The following ACACB variants were observed in gnomAD, a reference collection of about 807,000 sequenced individuals.
ACACB encodes the protein acetyl-CoA carboxylase beta.
Under a neutral mutation model 278.8 loss-of-function variants are expected in ACACB, and 209 were observed. The ratio of observed to expected loss-of-function variants is 0.75; its 90% CI spans 0.67 to 0.84. ACACB has a LOEUF of 0.84. ACACB is among the 40% of genes least tolerant of loss of function. The pLI, the probability that ACACB is intolerant of heterozygous loss-of-function variation, is 0.00. For synonymous variants in ACACB, 1,174 were observed against 1,285.6 expected (o/e 0.91, Z 1.86); for missense variants, 2,850 against 3,269.0 (o/e 0.87, Z 3.13).
intron 2 of ACACB, among the ~76,000 whole-genome samples, chr12:109,145,381 T>C (rs2043216714): frequency 6.6e-6 from 1 of 152,226 alleles, no homozygotes; most frequent in Non-Finnish European, 1.5e-5. Context: ...TGGTGAAGCC[T>C]GGGCTTTTAC....
chr12:109,203,091 A>G (rs1462396207), intron 19 of ACACB, among the ~76,000 whole-genome samples: 1 of 152,192 alleles, frequency 6.6e-6, no homozygotes, highest in East Asian at 1.9e-4. Flanking sequence ...GGTGCCTCAT[A>G]TAGGTGGAAT....
chr12:109,189,594 G>C lies in ACACB; in HGVS notation c.2144+1432G>C, dbSNP rs371888510. On this transcript the variant is annotated intron_variant, in intron 13 of 52. Coordinates refer to ENST00000338432, the MANE Select transcript of ACACB (RefSeq NM_001093.4). ...GTTTCTCAGGTTGAAGGACTTCTCA[G>C]TGCTAAAATGGGGACCACCCCAAGG... Among the ~76,000 whole-genome samples, 36 of 152,300 alleles carry C rather than the reference G, an allele frequency of 2.4e-4. No homozygotes were observed. In the East Asian group the frequency reaches 6.6e-3, roughly 28 times the overall value.
At chr12:109,258,232 T>C (rs1418571640) in intron 45 of ACACB, 36 bp from the exon 46 acceptor site, 4 of 1,557,094 alleles carry the variant, frequency 2.6e-6, no homozygotes, top group East Asian at 2.3e-5. Flanking sequence ...CCTGGGGTGC[T>C]GCCCAGGGCC....
At chr12:109,166,649 C>CA (rs869303420) in intron 2 of ACACB, among the ~76,000 whole-genome samples, 1,134 of 25,030 alleles carry the variant, frequency 0.045, 228 homozygotes, top group Non-Finnish European at 0.053. Flanking sequence ...GATCCCGTCT[C>CA]AAAAAAAAAA....
intron 11 of ACACB, among the ~76,000 whole-genome samples, chr12:109,180,634 T>G (rs1215197569): frequency 6.6e-6 from 1 of 152,040 alleles, no homozygotes; most frequent in East Asian, 1.9e-4. Context: ...CAAGAGATTT[T>G]TGTTTTTGTT....
chr12:109,222,536 G>A lies in ACACB; in HGVS notation c.3594G>A (p.Leu1198=). 1 of 1,614,124 alleles carries A rather than the reference G, an allele frequency of 6.2e-7. No homozygotes were observed. The highest frequency in any genetic ancestry group is 8.5e-7 in the Non-Finnish European group (1 of 1,180,012). Residue 1198 remains leucine, a synonymous_variant, in exon 25 of 53, where the codon CTG becomes CTA. Coordinates refer to ENST00000338432, the MANE Select transcript of ACACB (RefSeq NM_001093.4). ...IDELCGPDPS[L]SDELISILNE... ...AGCTGTGTGGCCCAGACCCTTCCCTGTCGGACGAGCTGATCTCCATCCTCA... is the reference window on the plus strand; with the variant it reads ...AGCTGTGTGGCCCAGACCCTTCCCTATCGGACGAGCTGATCTCCATCCTCA...
Position 109,265,506 on chromosome 12 carries a change from GTCC to G in ACACB, c.7234_7236del (p.Leu2412del), listed in dbSNP as rs759413736. 1 of 1,613,758 alleles carries G rather than the reference GTCC, an allele frequency of 6.2e-7. No homozygotes were observed. Among genetic ancestry groups the G allele is most frequent in the South Asian group, 1.1e-5 (1 of 91,062 alleles). ...CATCACGTACCTGAAGCACGACTCT[GTCC>G]TCAAGACCATCCGAGGGTGAGTGGC... On this transcript the variant is annotated inframe_deletion, in exon 52 of 53. Transcript: ENST00000338432.
chr12:109,159,484 C>A (rs892203080), intron 2 of ACACB, among the ~76,000 whole-genome samples: 3 of 152,174 alleles, frequency 2.0e-5, no homozygotes, highest in African/African-American at 7.2e-5. Context: ...CAGGGATAAA[C>A]TGTTAATTCC....
At chr12:109,263,158 G>A (rs1019534464) in intron 49 of ACACB, 1 of 151,132 alleles carries the variant, frequency 6.6e-6, no homozygotes, top group Non-Finnish European at 1.5e-5. Flanking sequence ...GTCATCTTTA[G>A]ATGTAATTAT....
intron 4 of ACACB, among the ~76,000 whole-genome samples, chr12:109,170,094 G>A (rs564326112): frequency 6.7e-6 from 1 of 150,292 alleles, no homozygotes; most frequent in African/African-American, 2.5e-5. Context: ...TCATTGATGT[G>A]TGGGTTTTTG....
chr12:109,229,079 A>ACT (rs1347733988), intron 28 of ACACB, among the ~76,000 whole-genome samples: 34 of 152,054 alleles, frequency 2.2e-4, no homozygotes, highest in Non-Finnish European at 4.6e-4. Flanking sequence ...AGTAGCTGGG[A>ACT]CTACAGGCGC....
chr12:109,136,026 T>C (rs1593379169), intron 1 of ACACB, among the ~76,000 whole-genome samples: 2 of 152,130 alleles, frequency 1.3e-5, no homozygotes, highest in South Asian at 4.2e-4. Context: ...TTAGCCAGGA[T>C]AGTCTTGATC....
chr12:109,243,307 T>C (rs1379661503), intron 37 of ACACB, among the ~76,000 whole-genome samples: 1 of 152,032 alleles, frequency 6.6e-6, no homozygotes, highest in Admixed American at 6.6e-5. Flanking sequence ...TCTTAAAAAA[T>C]AATGTTTTGG....
At chr12:109,115,195 C>T (rs2042380034), upstream of ACACB, among the ~76,000 whole-genome samples, 1 of 152,302 alleles carries the variant, frequency 6.6e-6, no homozygotes, top group South Asian at 2.1e-4. Context: ...TTCATTTTCT[C>T]ACCCATATGG....
At position 109,139,779 on chromosome 12, in the gene ACACB, T is replaced by C. The variant is rs951672585; in HGVS notation, c.374T>C (p.Leu125Pro). The change falls in exon 2 of 53, where the codon CTG becomes CCG. Residue 125 changes from leucine to proline, a missense_variant. Transcript: ENST00000338432. Reference protein sequence around the residue: ...LQANGTGTQGLEATDTNGLSS... With the variant: ...LQANGTGTQGPEATDTNGLSS... ...GCCAACGGGACTGGGACACAAGGTCTGGAGGCCACAGATACCAATGGCCTG... is the reference window on the plus strand; with the variant it reads ...GCCAACGGGACTGGGACACAAGGTCCGGAGGCCACAGATACCAATGGCCTG... 5 of 1,614,092 alleles carry C rather than the reference T, an allele frequency of 3.1e-6. No individual in the cohort carries two copies. In the African/African-American group the frequency reaches 5.3e-5, roughly 17 times the overall value.
intron 2 of ACACB, among the ~76,000 whole-genome samples, chr12:109,159,961 G>A (rs1000096007): frequency 6.6e-5 from 10 of 151,726 alleles, no homozygotes; most frequent in Admixed American, 3.9e-4. Context: ...ATGGTGGCAG[G>A]CACCTATAGT....
At chr12:109,134,833 A>C (rs2042928844) in intron 1 of ACACB, among the ~76,000 whole-genome samples, 1 of 152,210 alleles carries the variant, frequency 6.6e-6, no homozygotes, top group Non-Finnish European at 1.5e-5. Context: ...TCAAACAGGC[A>C]GAGGTCAAGG....
At chr12:109,150,195 C>A (rs2043335283) in intron 2 of ACACB, among the ~76,000 whole-genome samples, 1 of 152,196 alleles carries the variant, frequency 6.6e-6, no homozygotes, top group Admixed American at 6.5e-5. Context: ...GTCTGAGCTG[C>A]AATTTCCTGC....
At chr12:109,180,706 C>T (rs2044436684) in intron 11 of ACACB, among the ~76,000 whole-genome samples, 1 of 151,936 alleles carries the variant, frequency 6.6e-6, no homozygotes, top group Non-Finnish European at 1.5e-5. Flanking sequence ...GGCGCGATCT[C>T]GGCTCACTGC....
Sources: gnomAD v4.1 joint callset for allele counts (sites outside exome capture counted in the v4.1 genomes callset) on GRCh38, gnomAD v4.1.1 for gene constraint, MANE v1.5 for transcripts, NCBI Gene and HGNC (gene_info 2026-07-23, HGNC 2026-07-21) for gene names.